Variants in SLIT1 observed in about 807,000 individuals in gnomAD.
SLIT1 encodes the protein slit homolog 1 protein.
SLIT1 carries 66 observed loss-of-function variants against 186.1 expected under a neutral mutation model. The observed-to-expected ratio is 0.35, with a 90% confidence interval of 0.29 to 0.44. The LOEUF (loss-of-function observed/expected upper bound fraction) is 0.44. Among genes scored for constraint, SLIT1 ranks in the 20% least tolerant of loss-of-function variants. The pLI is 1.00. For synonymous variants in SLIT1, 761 were observed against 833.8 expected (o/e 0.91, Z 1.50); for missense variants, 1,638 against 2,037.4 (o/e 0.80, Z 3.77).
rs1848621404 is a variant in SLIT1, at chr10:97,034,512, T to A, written c.2397A>T (p.Leu799Phe). The part of the protein sequence containing the change: ...VDLSNNKISS[L>F]SNSSFTNMSQ... ...TCATGTTGGTGAAGGAGGAATTGCT[T>A]AAGGAACTGATCTTGTTGTTGCTCA... The change falls in exon 23 of 37, where the codon TTA becomes TTT. Residue 799 changes from leucine (L) to phenylalanine (F), a missense_variant. Leu to Phe is a conservative substitution (Grantham distance 22). Transcript: ENST00000266058. 5.6e-6 allele frequency: 9 copies of A among 1,613,712 alleles called. No individual in the cohort carries two copies. Among genetic ancestry groups the A allele is most frequent in the Non-Finnish European group, 7.6e-6 (9 of 1,179,732 alleles).
intron 4 of SLIT1, among the ~76,000 whole-genome samples, chr10:97,120,054 TACA>T (rs1169621417): frequency 6.6e-6 from 1 of 151,520 alleles, no homozygotes; most frequent in African/African-American, 2.4e-5. Context: ...CTAAGAGTTT[TACA>T]ACATTATGAC....
In SLIT1 at chr10:97,021,918, GC is replaced by G. The variant is rs1848505631; in HGVS notation, c.2583-506del. ...TTGTCTCACTTAGTCATCACCACAC[GC>G]TACTATTCTCATTTTACATGTGCAG... On this transcript the variant is annotated intron_variant, in intron 25 of 36. Transcript: ENST00000266058. This position sits in a 1 kb window ranked among gnomAD's most constrained non-coding sequence, Gnocchi z 4.5. Among the ~76,000 whole-genome samples the G allele has an allele frequency of 6.6e-6, 1 of 152,174 alleles. No homozygotes were observed.
chr10:97,127,760 C>T (rs892559533), intron 4 of SLIT1, among the ~76,000 whole-genome samples: 3 of 152,218 alleles, frequency 2.0e-5, no homozygotes, highest in Admixed American at 6.5e-5. Context: ...GAGAAACCAG[C>T]AGCCTTGGGG....
At chr10:97,013,677 C>T (rs1257184103) in intron 30 of SLIT1, 64 bp downstream of exon 30, 1 of 1,229,032 alleles carries the variant, frequency 8.1e-7, no homozygotes, top group Non-Finnish European at 1.2e-6. Context: ...GGAGCCCAGA[C>T]TGGAATCCAG....
At chr10:97,076,888 C>T (rs932748468) in intron 4 of SLIT1, among the ~76,000 whole-genome samples, 4 of 152,248 alleles carry the variant, frequency 2.6e-5, no homozygotes, top group African/African-American at 9.6e-5. Context: ...AGAGACCACA[C>T]TGGTGCAGTG....
Position 97,020,802 on chromosome 10 carries a change from G to A in SLIT1, c.2746+448C>T, listed in dbSNP as rs998699666. ...ACAAATGCCCACAGTGGAGGGTCCC[G>A]GGGCAAAGCCGGAACCAGCCTCCAG... On this transcript the variant is annotated intron_variant, in intron 26 of 36. Transcript: ENST00000266058. Among the ~76,000 whole-genome samples, 8 of 152,350 alleles carry A rather than the reference G, an allele frequency of 5.3e-5. No individual in the cohort carries two copies. The East Asian group carries it at 5.8e-4, about 11-fold the overall frequency.
At chr10:97,051,304 A>G (rs1408616589) in intron 13 of SLIT1, among the ~76,000 whole-genome samples, 1 of 152,104 alleles carries the variant, frequency 6.6e-6, no homozygotes, top group African/African-American at 2.4e-5. Context: ...GGTGAGGCTG[A>G]GAATGAGAGA....
chr10:97,172,592 T>C (rs937626334), intron 1 of SLIT1, among the ~76,000 whole-genome samples: 11 of 152,080 alleles, frequency 7.2e-5, no homozygotes, highest in Admixed American at 1.3e-4. Flanking sequence ...GTTTCCCTAC[T>C]CCGAAAATAA....
intron 23 of SLIT1, among the ~76,000 whole-genome samples, chr10:97,033,773 C>T (rs968224799): frequency 6.6e-6 from 1 of 151,964 alleles, no homozygotes; most frequent in Non-Finnish European, 1.5e-5. Flanking sequence ...AGAAGTGATC[C>T]TCATAAAGTC....
chr10:97,048,750 G>A (rs1848758553), intron 14 of SLIT1, among the ~76,000 whole-genome samples: 1 of 152,090 alleles, frequency 6.6e-6, no homozygotes, highest in South Asian at 2.1e-4. Context: ...CCGGCAGGGA[G>A]GCAGGTAGGT....
At chr10:97,166,623 G>GAAAGAAAGGGAAAAGAAA (rs3979552) in intron 1 of SLIT1, among the ~76,000 whole-genome samples, 1 of 42,678 alleles carries the variant, frequency 2.3e-5, no homozygotes, top group Non-Finnish European at 4.6e-5. Flanking sequence ...AAGAAAGAAA[G>GAAAGAAAGGGAAAAGAAA]AGAAAAGAAA....
chr10:97,056,198 T>G, intron 13 of SLIT1, 123 bp downstream of exon 13: 1 of 1,080,208 alleles, frequency 9.3e-7, no homozygotes. Context: ...CCTTCCTCTG[T>G]AAGAGGCCAC....
In SLIT1 at chr10:97,006,504, T is replaced by C. The variant is rs1373303225; in HGVS notation, c.3558A>G (p.Pro1186=). The C allele has an allele frequency of 6.2e-7, 1 of 1,613,808 alleles. No individual in the cohort carries two copies. The highest frequency in any genetic ancestry group is 1.3e-5 in the African/African-American group (1 of 74,950). Residue 1186 remains proline, a synonymous_variant, in exon 32 of 37, where the codon CCA becomes CCG. Coordinates refer to ENST00000266058, the MANE Select transcript of SLIT1 (RefSeq NM_003061.3). This position sits in a 1 kb window ranked among gnomAD's most constrained non-coding sequence, Gnocchi z 4.0. ...YLQFTDLQNW[P]RANITLQVST... ...GCACCTGCAACGTGATGTTGGCCCG[T>C]GGCCAGTTTTGCAGGTCAGTGAACT... is the stretch of plus-strand genomic sequence containing the variant.
At chr10:97,090,499 C>T (rs2134662717) in intron 4 of SLIT1, among the ~76,000 whole-genome samples, 1 of 152,204 alleles carries the variant, frequency 6.6e-6, no homozygotes, top group Non-Finnish European at 1.5e-5. Context: ...GAGTTGGACT[C>T]AAAGTGAGTT....
rs557639659 is a variant in SLIT1 at position 97,185,899 on chromosome 10, C to T, written c.-225G>A. 4.9e-4 allele frequency: 243 copies of T among 492,748 alleles called. 2 individuals carry two copies. The South Asian group carries it at 7.3e-3, about 15-fold the overall frequency. 30.5% of individuals were successfully genotyped at this position (492,748 alleles called of 1,614,324 possible). ...GGCGGAGGGGGCTCGGCTCCTCTGC[C>T]GTTTCGCCGCCTGCGTCTCCCTCTC... is the stretch of plus-strand genomic sequence containing the variant. On this transcript the variant is annotated 5_prime_UTR_variant, in exon 1 of 37. Transcript: ENST00000266058.
Position 97,056,305 on chromosome 10 carries a change from G to A in SLIT1, c.1301+16C>T, listed in dbSNP as rs1218999367. 1.9e-6 allele frequency: 3 copies of A among 1,613,584 alleles called. No homozygotes were observed. The highest frequency in any genetic ancestry group is 1.7e-5 in the Admixed American group (1 of 60,026). On this transcript the variant is annotated intron_variant, in intron 13 of 36. Transcript: ENST00000266058. ...CCTGCTGGGAGGGGAGAAGAAGAAGGCATCAGGGCACTCACAGAGTCTGGA... is the reference window on the plus strand; with the variant it reads ...CCTGCTGGGAGGGGAGAAGAAGAAGACATCAGGGCACTCACAGAGTCTGGA...
intron 4 of SLIT1, among the ~76,000 whole-genome samples, chr10:97,104,129 G>A (rs1010272908): frequency 6.6e-6 from 1 of 151,998 alleles, no homozygotes; most frequent in African/African-American, 2.4e-5. Flanking sequence ...TGGGGGTGCC[G>A]AGTGGGAGTT....
At chr10:97,069,165 G>T (rs1051734864) in intron 4 of SLIT1, among the ~76,000 whole-genome samples, 8 of 152,222 alleles carry the variant, frequency 5.3e-5, no homozygotes, top group Non-Finnish European at 1.0e-4. Flanking sequence ...GAGCAGGGCT[G>T]TACAGGCCAC....
rs988595851 is a variant in SLIT1, at chr10:97,004,953, G to A, written c.3580-130C>T. 9.1e-6 allele frequency: 10 copies of A among 1,102,452 alleles called. No individual in the cohort carries two copies. Among genetic ancestry groups the A allele is most frequent in the Non-Finnish European group, 1.2e-5 (9 of 758,774 alleles). 68.3% of individuals were successfully genotyped at this position (1,102,452 alleles called of 1,614,324 possible). ...GTGCAGAGCGCTCTTCCCCCACCTG[G>A]CCAGCCTCCCCAAGGCCATTCCTCC... On this transcript the variant is annotated intron_variant, in intron 32 of 36. Transcript: ENST00000266058. This position sits in a 1 kb window ranked among gnomAD's most constrained non-coding sequence, Gnocchi z 5.1.
Sources: gnomAD v4.1 joint callset for allele counts (sites outside exome capture counted in the v4.1 genomes callset) on GRCh38, gnomAD v4.1.1 for gene constraint, Gnocchi (gnomAD v3.1) non-coding constraint, MANE v1.5 for transcripts, NCBI Gene and HGNC (gene_info 2026-07-23, HGNC 2026-07-21) for gene names.